NCOA1: variants seen among roughly 807,000 people sequenced by gnomAD.
NCOA1 encodes the protein nuclear receptor coactivator 1, also known as Hin-2 protein.
A neutral mutation model predicts 150.9 loss-of-function variants in NCOA1; 35 were observed. The observed-to-expected ratio is 0.23, with a 90% CI of 0.18 to 0.31. The LOEUF is 0.31. Among genes scored for constraint, NCOA1 ranks in the 10% least tolerant of loss-of-function variants. The pLI, the probability that NCOA1 is intolerant of heterozygous loss-of-function variation, is 1.00. For synonymous variants in NCOA1, 590 were observed against 630.0 expected (o/e 0.94, Z 0.95); for missense variants, 1,491 against 1,749.3 (o/e 0.85, Z 2.63).
At position 24,552,660 on chromosome 2, in the gene NCOA1, C is replaced by T. The variant is rs571616149; in HGVS notation, c.-395-11635C>T. The stretch of plus-strand genomic sequence containing the variant: ...GATTAAAGGCGTGACCCACCGCTCC[C>T]GGCCTGTGCTTTATATTTTTGAGCA... On this transcript the variant is annotated intron_variant, in intron 1 of 22. Transcript: ENST00000348332. 5.3e-5 allele frequency among the ~76,000 whole-genome samples: 8 copies of T among 151,902 alleles called. No homozygotes were observed. In the South Asian group the frequency reaches 1.0e-3, roughly 20 times the overall value.
At chr2:24,535,618 T>C (rs1431552527) in intron 1 of NCOA1, among the ~76,000 whole-genome samples, 1 of 152,208 alleles carries the variant, frequency 6.6e-6, no homozygotes, top group Non-Finnish European at 1.5e-5. Flanking sequence ...TAGTGCTTCC[T>C]TCAGGAGCTC....
rs546052884 is a variant in NCOA1 at position 24,520,511 on chromosome 2, G to A, written c.-396+28909G>A. Among the ~76,000 whole-genome samples the A allele has an allele frequency of 9.8e-5, 15 of 152,298 alleles. No individual in the cohort carries two copies. The East Asian group carries it at 2.9e-3, about 29-fold the overall frequency. On this transcript the variant is annotated intron_variant, in intron 1 of 22. Transcript: ENST00000348332. ...AACCAAAAAAGAGTGCATTCTGTAT[G>A]ATTCCATTTGTTAAAATCCAGGAAC...
intron 3 of NCOA1, among the ~76,000 whole-genome samples, chr2:24,613,850 G>C (rs911245461): frequency 1.3e-5 from 2 of 152,332 alleles, no homozygotes; most frequent in Non-Finnish European, 2.9e-5. Flanking sequence ...CTGCCTGGGT[G>C]TGAAGCAGAG....
chr2:24,665,994 A>G, intron 6 of NCOA1, 79 bp downstream of exon 6: 2 of 787,616 alleles, frequency 2.5e-6, no homozygotes, highest in South Asian at 6.3e-5. Flanking sequence ...CTTTATTATT[A>G]TTATTATTAT....
At chr2:24,530,727 A>G (rs1205634229) in intron 1 of NCOA1, among the ~76,000 whole-genome samples, 1 of 152,236 alleles carries the variant, frequency 6.6e-6, no homozygotes, top group Admixed American at 6.5e-5. Flanking sequence ...TAGGTGTATA[A>G]GACCTTTGCA....
At chr2:24,563,558 C>T (rs912765040) in intron 1 of NCOA1, among the ~76,000 whole-genome samples, 3 of 151,888 alleles carry the variant, frequency 2.0e-5, no homozygotes, top group African/African-American at 7.3e-5. Flanking sequence ...CACTCTTTCA[C>T]CCAGGTTGGA....
At chr2:24,674,753 AT>A (rs56801436) in intron 7 of NCOA1, among the ~76,000 whole-genome samples, 123,509 of 151,796 alleles carry the variant, frequency 0.81, 51,916 homozygotes, top group East Asian at 0.99. Context: ...CAGTATGGGC[AT>A]TTTTTTTTAA....
intron 1 of NCOA1, among the ~76,000 whole-genome samples, chr2:24,500,341 C>T (rs907126445): frequency 9.9e-5 from 15 of 152,150 alleles, no homozygotes; most frequent in African/African-American, 3.1e-4. Flanking sequence ...CTCCCAACCT[C>T]GGGTGATCCG....
intron 1 of NCOA1, among the ~76,000 whole-genome samples, chr2:24,553,087 AC>A (rs1226903568): frequency 2.0e-5 from 3 of 152,190 alleles, no homozygotes; most frequent in Non-Finnish European, 2.9e-5. Flanking sequence ...TTAGGAGACA[AC>A]GTTTAATCTT....
chr2:24,562,274 T>G (rs549269836), intron 1 of NCOA1, among the ~76,000 whole-genome samples: 3 of 152,194 alleles, frequency 2.0e-5, no homozygotes, highest in African/African-American at 7.2e-5. Flanking sequence ...CTGAAATGCT[T>G]CACATTACAA....
At position 24,584,151 on chromosome 2, in the gene NCOA1, C is replaced by A. The variant is rs1236378096; in HGVS notation, c.-259-325C>A. On this transcript the variant is annotated intron_variant, in intron 2 of 22. Transcript: ENST00000348332. The stretch of plus-strand genomic sequence containing the variant: ...TATATGTATTGAAATATCACCGTAC[C>A]CCATAAATATAGTTACTAAATGTCA... 3.3e-5 allele frequency among the ~76,000 whole-genome samples: 5 copies of A among 151,754 alleles called. No homozygotes were observed. The East Asian group carries it at 9.6e-4, about 29-fold the overall frequency.
intron 3 of NCOA1, among the ~76,000 whole-genome samples, chr2:24,623,322 G>T (rs1476718113): frequency 6.6e-6 from 1 of 152,198 alleles, no homozygotes; most frequent in Non-Finnish European, 1.5e-5. Flanking sequence ...GTGGTATTTG[G>T]GAGAGCTAAG....
Position 24,654,560 on chromosome 2 carries a change from C to T in NCOA1, c.-17-4101C>T, listed in dbSNP as rs578141284. On this transcript the variant is annotated intron_variant, in intron 4 of 22. Transcript: ENST00000348332. ...AGAAAGATTGTGGACATTCAGATAC[C>T]GGATTACTAAGATGAGAAAGATTGT... Among the ~76,000 whole-genome samples the T allele has an allele frequency of 7.9e-5, 12 of 152,206 alleles. No homozygotes were observed. The South Asian group carries it at 1.5e-3, about 18-fold the overall frequency.
intron 5 of NCOA1, 59 bp downstream of exon 5, chr2:24,658,825 C>T (rs915803044): frequency 1.4e-6 from 2 of 1,447,612 alleles, no homozygotes; most frequent in Non-Finnish European, 1.9e-6. Flanking sequence ...TTCACTGCCA[C>T]TTCAGAGCTT....
intron 1 of NCOA1, among the ~76,000 whole-genome samples, chr2:24,544,003 A>C (rs1182065735): frequency 6.6e-6 from 1 of 152,150 alleles, no homozygotes; most frequent in Non-Finnish European, 1.5e-5. Flanking sequence ...CTAACAAGAA[A>C]TTTTTCTAGG....
At chr2:24,665,050 G>T (rs922139449) in intron 5 of NCOA1, among the ~76,000 whole-genome samples, 4 of 152,052 alleles carry the variant, frequency 2.6e-5, no homozygotes, top group South Asian at 2.1e-4. Context: ...TTTTTAAAAA[G>T]GTGCTACCTG....
chr2:24,598,629 A>C (rs1316541906), intron 3 of NCOA1, among the ~76,000 whole-genome samples: 1 of 152,194 alleles, frequency 6.6e-6, no homozygotes, highest in Non-Finnish European at 1.5e-5. Flanking sequence ...ACAGGGAGAA[A>C]CTGGCAAAGA....
At chr2:24,695,279 C>CTA (rs983509460) in intron 10 of NCOA1, among the ~76,000 whole-genome samples, 4 of 151,668 alleles carry the variant, frequency 2.6e-5, no homozygotes, top group Non-Finnish European at 5.9e-5. Flanking sequence ...CATAAAATAA[C>CTA]TATATATATA....
intron 4 of NCOA1, among the ~76,000 whole-genome samples, chr2:24,648,990 T>A (rs1017400262): frequency 6.6e-6 from 1 of 152,168 alleles, no homozygotes; most frequent in Admixed American, 6.5e-5. Flanking sequence ...CATTTTCTTT[T>A]GGTTCTGGCT....
Sources: allele counts gnomAD v4.1 joint callset (sites outside exome capture counted in the v4.1 genomes callset), GRCh38; gene constraint gnomAD v4.1.1; transcripts MANE v1.5; gene names NCBI Gene and HGNC (gene_info 2026-07-23, HGNC 2026-07-21).